Variants in ARMH4 observed in about 807,000 individuals in gnomAD.
ARMH4 encodes the protein armadillo-like helical domain-containing protein 4.
A neutral mutation model predicts 61.9 loss-of-function variants in ARMH4; 49 were observed. That is an observed-to-expected ratio of 0.79 (90% CI 0.63 to 1.00). ARMH4 has a LOEUF of 1.00. ARMH4 is among the 50% of genes least tolerant of loss of function. The pLI is 0.00. For synonymous variants in ARMH4, 368 were observed against 341.5 expected, an observed-to-expected ratio of 1.08 and a Z score of -0.85; for missense variants, 934 against 930.0, an observed-to-expected ratio of 1.00 and a Z score of -0.06.
intron 5 of ARMH4, among the ~76,000 whole-genome samples, chr14:58,017,215 G>A (rs1594692384): frequency 6.6e-6 from 1 of 152,282 alleles, no homozygotes; most frequent in Non-Finnish European, 1.5e-5. Flanking sequence ...TCGGGAGGCT[G>A]AGGTGAGAGG....
chr14:58,081,178 A>T (rs1885213816), intron 5 of ARMH4, among the ~76,000 whole-genome samples: 1 of 152,188 alleles, frequency 6.6e-6, no homozygotes, highest in African/African-American at 2.4e-5. Context: ...TCTCAGATAA[A>T]AAGTGCATCC....
chr14:58,102,055 GA>G (rs1327238696), intron 4 of ARMH4, among the ~76,000 whole-genome samples: 1 of 152,180 alleles, frequency 6.6e-6, no homozygotes, highest in Admixed American at 6.5e-5. Flanking sequence ...CACATGAGCT[GA>G]AAATCACTGG....
Position 58,152,125 on chromosome 14 carries a change from C to G in ARMH4, c.-107G>C, listed in dbSNP as rs1237451714. 3 of 159,964 alleles carry G rather than the reference C, an allele frequency of 1.9e-5. No homozygotes were observed. Among genetic ancestry groups the G allele is most frequent in the Non-Finnish European group, 2.7e-5 (2 of 74,190 alleles). The allele number at this position is 159,964 out of a possible 1,614,324, so 9.9% of individuals were successfully genotyped here. A position where few individuals can be genotyped will look rare whatever the true frequency, so the allele number is the denominator to read the frequency against. On this transcript the variant is annotated 5_prime_UTR_variant, in exon 1 of 8. Transcript: ENST00000267485. ...GCGGAGGACAGAGGCAGCGGCGGCGCGGGCGCTCGGCATCCCAGCGGCGGG... is the reference window on the plus strand; with the variant it reads ...GCGGAGGACAGAGGCAGCGGCGGCGGGGGCGCTCGGCATCCCAGCGGCGGG...
Position 58,003,527 on chromosome 14 carries a change from T to A in ARMH4, c.*1209A>T, listed in dbSNP as rs1882051756. 1.3e-5 allele frequency: 2 copies of A among 152,226 alleles called. No homozygotes were observed. The highest frequency in any genetic ancestry group is 4.1e-4 in the South Asian group (2 of 4,830). 9.4% of individuals were successfully genotyped at this position (152,226 alleles called of 1,614,324 possible). A position where few individuals can be genotyped will look rare whatever the true frequency, so the allele number is the denominator to read the frequency against. The stretch of plus-strand genomic sequence containing the variant: ...TCTTCCATGGCAATGAGCCAAGCCT[T>A]TACCCCAAAACTCAACTACAAATCC... On this transcript the variant is annotated 3_prime_UTR_variant, in exon 8 of 8. Coordinates refer to ENST00000267485, the MANE Select transcript of ARMH4 (RefSeq NM_001001872.4).
At chr14:58,128,198 A>C (rs1479270611) in intron 4 of ARMH4, among the ~76,000 whole-genome samples, 1 of 152,216 alleles carries the variant, frequency 6.6e-6, no homozygotes, top group Non-Finnish European at 1.5e-5. Flanking sequence ...TTAGTACTAA[A>C]ATATTTTAAA....
intron 4 of ARMH4, among the ~76,000 whole-genome samples, chr14:58,110,714 T>C (rs949551507): frequency 1.3e-5 from 2 of 152,076 alleles, no homozygotes; most frequent in Non-Finnish European, 2.9e-5. Flanking sequence ...TCTTTAAAAT[T>C]TGTTGAGATT....
chr14:58,062,621 G>A (rs1053302460), intron 5 of ARMH4, among the ~76,000 whole-genome samples: 3 of 152,200 alleles, frequency 2.0e-5, no homozygotes, highest in African/African-American at 4.8e-5. Flanking sequence ...GCTATGTGCC[G>A]GGCACGAGGC....
chr14:58,032,726 ATTGCCTCACCT>A (rs1883297916), intron 5 of ARMH4, among the ~76,000 whole-genome samples: 3 of 151,958 alleles, frequency 2.0e-5, no homozygotes, highest in Non-Finnish European at 2.9e-5. Context: ...AGGGTGAGGC[ATTGCCTCACCT>A]GGGAAGCGCA....
At chr14:58,103,369 A>G (rs1886065692) in intron 4 of ARMH4, among the ~76,000 whole-genome samples, 1 of 152,130 alleles carries the variant, frequency 6.6e-6, no homozygotes, top group African/African-American at 2.4e-5. Context: ...AAAAATGGCT[A>G]TGGGAGTGGG....
intron 3 of ARMH4, among the ~76,000 whole-genome samples, chr14:58,132,677 C>G (rs1887153918): frequency 6.6e-6 from 1 of 151,142 alleles, no homozygotes; most frequent in Non-Finnish European, 1.5e-5. Flanking sequence ...GCTCCGCCCC[C>G]CGGGTTCACA....
chr14:58,012,883 T>C (rs528526905), intron 5 of ARMH4, among the ~76,000 whole-genome samples: 1 of 152,242 alleles, frequency 6.6e-6, no homozygotes, highest in African/African-American at 2.4e-5. Context: ...AATTTCATTT[T>C]TGAAATATGT....
chr14:58,049,250 A>G (rs1477922754), intron 5 of ARMH4, among the ~76,000 whole-genome samples: 5 of 152,086 alleles, frequency 3.3e-5, no homozygotes, highest in South Asian at 2.1e-4. Flanking sequence ...AAAAAAAAAA[A>G]AAAAGAAAAA....
chr14:58,093,809 C>T (rs746886502), intron 5 of ARMH4, among the ~76,000 whole-genome samples: 22 of 152,098 alleles, frequency 1.4e-4, no homozygotes, highest in Non-Finnish European at 2.5e-4. Flanking sequence ...GTGAGAAGAA[C>T]AGTTTGAAAT....
chr14:58,080,889 G>T (rs1000036507), intron 5 of ARMH4, among the ~76,000 whole-genome samples: 14 of 152,134 alleles, frequency 9.2e-5, no homozygotes, highest in South Asian at 8.3e-4. Flanking sequence ...ATCACTTGAG[G>T]CCAGGAGTTT....
intron 4 of ARMH4, among the ~76,000 whole-genome samples, chr14:58,108,916 C>T (rs897224289): frequency 4.6e-5 from 7 of 152,314 alleles, no homozygotes; most frequent in South Asian, 2.1e-4. Context: ...ATGTCATTTG[C>T]ACTTTCTTAA....
At chr14:58,095,582 C>G (rs1481974928) in intron 5 of ARMH4, among the ~76,000 whole-genome samples, 1 of 152,108 alleles carries the variant, frequency 6.6e-6, no homozygotes. Flanking sequence ...GTAATCATTG[C>G]CCAATGCATG....
chr14:58,124,028 G>C (rs1886816887), intron 4 of ARMH4, among the ~76,000 whole-genome samples: 1 of 152,078 alleles, frequency 6.6e-6, no homozygotes, highest in African/African-American at 2.4e-5. Context: ...AACGTATCCA[G>C]CCTATACTGG....
Position 58,138,606 on chromosome 14 carries a change from G to A in ARMH4, c.753C>T (p.Thr251=). ...STAGSEPGSL[T]PDKEKPSQMT... is the part of the protein sequence containing the mutation. ...TCTGCGAAGGCTTCTCCTTATCAGG[G>A]GTGAGGCTTCCAGGCTCACTGCCTG... Residue 251 remains threonine (T), a synonymous_variant, in exon 2 of 8, where the codon ACC becomes ACT. Transcript: ENST00000267485. 6.2e-7 allele frequency: 1 copy of A among 1,614,160 alleles called. No individual in the cohort carries two copies. Among genetic ancestry groups the A allele is most frequent in the Non-Finnish European group, 8.5e-7 (1 of 1,180,040 alleles).
chr14:58,003,477 A>T lies in ARMH4; in HGVS notation c.*1259T>A, dbSNP rs1799451359. ...ACACCAACAAGTACTCCACAGTGACAGCACTATTAATAAATAACTTTTATT... is the reference window on the plus strand; with the variant it reads ...ACACCAACAAGTACTCCACAGTGACTGCACTATTAATAAATAACTTTTATT... On this transcript the variant is annotated 3_prime_UTR_variant, in exon 8 of 8. Transcript: ENST00000267485. The T allele has an allele frequency of 6.6e-6, 1 of 152,234 alleles. No individual in the cohort carries two copies. Among genetic ancestry groups the T allele is most frequent in the East Asian group, 1.9e-4 (1 of 5,196 alleles). 9.4% of individuals were successfully genotyped at this position (152,234 alleles called of 1,614,324 possible).
Sources: gnomAD v4.1 joint callset for allele counts (sites outside exome capture counted in the v4.1 genomes callset) on GRCh38, gnomAD v4.1.1 for gene constraint, MANE v1.5 for transcripts, NCBI Gene and HGNC (gene_info 2026-07-23, HGNC 2026-07-21) for gene names.